KALRN: variants seen among roughly 807,000 people sequenced by gnomAD.
KALRN encodes kalirin RhoGEF kinase.
KALRN carries 70 observed loss-of-function variants against 353.7 expected under a neutral mutation model. That is an observed-to-expected ratio of 0.20 (90% CI 0.16 to 0.24). KALRN has a LOEUF of 0.24. Ranked by LOEUF, KALRN falls within the 10% of genes least tolerant of loss-of-function variation. KALRN has a pLI of 1.00. For missense variants in KALRN, 2,791 were observed against 3,756.7 expected (o/e 0.74, Z 6.72); for synonymous variants, 1,391 against 1,434.8 (o/e 0.97, Z 0.69).
intron 10 of KALRN, among the ~76,000 whole-genome samples, chr3:124,354,202 GT>G (rs1209352389): frequency 6.6e-6 from 1 of 152,172 alleles, no homozygotes. Flanking sequence ...AGAAATTGGG[GT>G]TTTATTCCTA....
chr3:124,309,098 G>C (rs2077993048), intron 6 of KALRN, among the ~76,000 whole-genome samples: 1 of 152,056 alleles, frequency 6.6e-6, no homozygotes, highest in Admixed American at 6.5e-5. Context: ...GATTCAAGAA[G>C]AAATAGATAA....
chr3:124,618,750 T>C (rs1292634963), intron 34 of KALRN, among the ~76,000 whole-genome samples: 1 of 152,158 alleles, frequency 6.6e-6, no homozygotes. Flanking sequence ...TTGGGAGGGC[T>C]GCATGCAGAG....
At chr3:124,303,958 AG>A (rs1474178131) in intron 6 of KALRN, among the ~76,000 whole-genome samples, 2 of 152,178 alleles carry the variant, frequency 1.3e-5, no homozygotes, top group Non-Finnish European at 2.9e-5. Flanking sequence ...ATTCTGAGGC[AG>A]GCAGGTGGTC....
At chr3:124,716,295 G>A (rs926789011) in intron 58 of KALRN, among the ~76,000 whole-genome samples, 28 of 152,308 alleles carry the variant, frequency 1.8e-4, no homozygotes, top group Middle Eastern at 6.8e-3. Flanking sequence ...AGGCCCAGGC[G>A]GGTGGATCAC....
At chr3:124,527,438 T>A (rs1009967138) in intron 33 of KALRN, among the ~76,000 whole-genome samples, 2 of 151,620 alleles carry the variant, frequency 1.3e-5, no homozygotes, top group African/African-American at 4.8e-5. Flanking sequence ...TGAAACCCCG[T>A]CTCTACTAAA....
In KALRN at chr3:124,298,909, C is replaced by T; in HGVS notation, c.1088C>T (p.Ser363Phe). Residue 363 changes from serine (S) to phenylalanine (F), a missense_variant, in exon 6 of 60, where the codon TCC becomes TTC. Around this residue, in one of 11 missense-constraint regions of KALRN, gnomAD observed 366 missense variants for 489.2 expected, o/e 0.75. Transcript: ENST00000682506. ...CAGCACAATCACTTTGCCATGAACT[C>T]CATGGTGAGCTGAGGGGCTGTTCTC... Reference protein sequence around the residue: ...QTQHNHFAMNSMNAYVNINRI... With the variant: ...QTQHNHFAMNFMNAYVNINRI... 1 of 1,614,160 alleles carries T rather than the reference C, an allele frequency of 6.2e-7. No individual in the cohort carries two copies. Among genetic ancestry groups the T allele is most frequent in the Non-Finnish European group, 8.5e-7 (1 of 1,180,006 alleles).
intron 9 of KALRN, among the ~76,000 whole-genome samples, chr3:124,335,461 CA>C (rs2149470524): frequency 6.6e-6 from 1 of 152,234 alleles, no homozygotes; most frequent in African/African-American, 2.4e-5. Context: ...AATCTTGCTA[CA>C]AATGCCCTTT....
In KALRN at chr3:124,694,207, T is replaced by A; in HGVS notation, c.7406-125T>A. On this transcript the variant is annotated intron_variant, in intron 52 of 59. Coordinates refer to ENST00000682506, the MANE Select transcript of KALRN (RefSeq NM_001388419.1). ...AGACCCAGATGACTCACCAGTGTTA[T>A]ACTGAAGGTTATTTGAATCATTACA... The A allele has an allele frequency of 5.5e-6, 5 of 902,574 alleles. No homozygotes were observed. In the East Asian group the frequency reaches 7.3e-5, roughly 13 times the overall value. The allele number at this position is 902,574 out of a possible 1,614,324, so 55.9% of individuals were successfully genotyped here.
intron 1 of KALRN, among the ~76,000 whole-genome samples, chr3:124,167,363 A>G (rs2071037611): frequency 6.6e-6 from 1 of 152,232 alleles, no homozygotes; most frequent in Non-Finnish European, 1.5e-5. Flanking sequence ...GTTGTCAGAA[A>G]CACTGGGAGC....
chr3:124,333,837 G>A (rs1203417061), intron 8 of KALRN, among the ~76,000 whole-genome samples: 2 of 152,080 alleles, frequency 1.3e-5, no homozygotes, highest in African/African-American at 2.4e-5. Context: ...GCAGTGAGCC[G>A]AGATCGCACC....
intron 25 of KALRN, among the ~76,000 whole-genome samples, chr3:124,467,811 G>GGA (rs1467179185): frequency 1.3e-5 from 2 of 152,156 alleles, no homozygotes; most frequent in Non-Finnish European, 2.9e-5. Context: ...AAGGAAAGGA[G>GGA]GAGAGAGAGC....
chr3:124,587,698 CTTTTTTTTTT>C lies in KALRN; in HGVS notation c.5182+24625_5182+24634del, dbSNP rs529810541. Among the ~76,000 whole-genome samples the C allele has an allele frequency of 7.7e-3, 585 of 75,892 alleles. 8 individuals are homozygous for C. Among genetic ancestry groups the C allele is most frequent in the African/African-American group, 0.035 (547 of 15,824 alleles). 49.8% of individuals were successfully genotyped at this position (75,892 alleles called of 152,430 possible). On this transcript the variant is annotated intron_variant, in intron 34 of 59. Transcript: ENST00000682506. ...TTTTTCCCTCCACCCCCACCCTCCACTTTTTTTTTTTTTTTTTTTTTTTTTGATACAGGGT... is the reference window on the plus strand; with the variant it reads ...TTTTTCCCTCCACCCCCACCCTCCACTTTTTTTTTTTTTTTGATACAGGGT...
chr3:124,127,133 G>A (rs967099732), intron 1 of KALRN, among the ~76,000 whole-genome samples: 1 of 152,154 alleles, frequency 6.6e-6, no homozygotes, highest in Non-Finnish European at 1.5e-5. Flanking sequence ...TTGCAGATTT[G>A]TGGGTGAGAC....
chr3:124,453,887 A>C (rs2059043271), intron 21 of KALRN, among the ~76,000 whole-genome samples: 1 of 152,106 alleles, frequency 6.6e-6, no homozygotes, highest in Admixed American at 6.6e-5. Flanking sequence ...TTAACTCTAC[A>C]TTCTCCCATT....
intron 6 of KALRN, among the ~76,000 whole-genome samples, chr3:124,323,002 A>G (rs72976578): frequency 6.6e-6 from 1 of 152,180 alleles, no homozygotes; most frequent in Non-Finnish European, 1.5e-5. Context: ...TTATCCCTCT[A>G]TTATGAGGGA....
intron 1 of KALRN, among the ~76,000 whole-genome samples, chr3:124,153,528 T>C (rs1435220432): frequency 1.3e-5 from 2 of 150,682 alleles, no homozygotes; most frequent in African/African-American, 4.9e-5. Flanking sequence ...TGTTGGACAT[T>C]TGGGTTGGTT....
intron 1 of KALRN, among the ~76,000 whole-genome samples, chr3:124,072,737 A>T (rs1052392208): frequency 3.3e-5 from 5 of 152,260 alleles, no homozygotes; most frequent in African/African-American, 1.2e-4. Context: ...AATCTCAGGG[A>T]TATTGGCTGA....
intron 1 of KALRN, among the ~76,000 whole-genome samples, chr3:124,047,881 T>A (rs1174758881): frequency 6.6e-6 from 1 of 151,992 alleles, no homozygotes; most frequent in Non-Finnish European, 1.5e-5. Flanking sequence ...ATTTGAAAAA[T>A]GTGATGAAAT....
intron 15 of KALRN, among the ~76,000 whole-genome samples, chr3:124,427,426 A>T (rs2093070758): frequency 6.6e-6 from 1 of 152,230 alleles, no homozygotes; most frequent in South Asian, 2.1e-4. Context: ...TGGTCCTTAG[A>T]GTCAGTTGCC....
Sources: gnomAD v4.1 joint callset for allele counts (sites outside exome capture counted in the v4.1 genomes callset) on GRCh38, gnomAD v4.1.1 for gene constraint, gnomAD v4.1.1 regional missense constraint, MANE v1.5 for transcripts, NCBI Gene and HGNC (gene_info 2026-07-23, HGNC 2026-07-21) for gene names.